Variants in NBAS observed in about 807,000 individuals in gnomAD.
NBAS encodes NAG/BC035112 fusion.
Under a neutral mutation model 302.5 loss-of-function variants are expected in NBAS, and 219 were observed. The observed-to-expected ratio is 0.72, with a 90% CI of 0.65 to 0.81. NBAS has a LOEUF of 0.81. Ranked by LOEUF, NBAS falls within the 30% of genes least tolerant of loss-of-function variation. The probability of loss-of-function intolerance (pLI) is 0.00; values close to 1 mark genes in which losing one functional copy is unlikely to be tolerated. For synonymous variants in NBAS, 1,118 were observed against 1,021.6 expected, an observed-to-expected ratio of 1.09 and a Z score of -1.80; for missense variants, 2,932 against 2,841.6, an observed-to-expected ratio of 1.03 and a Z score of -0.72.
the NBAS span, among the ~76,000 whole-genome samples, chr2:15,151,732 G>A: frequency 6.6e-6 from 1 of 152,172 alleles, no homozygotes; most frequent in East Asian, 1.9e-4. Context: ...ATTTGATTTT[G>A]ATCAGTTTGA....
At chr2:14,856,873 G>A in the NBAS span, among the ~76,000 whole-genome samples, 4 of 152,100 alleles carry the variant, frequency 2.6e-5, no homozygotes, top group African/African-American at 7.2e-5. Flanking sequence ...TGGAAAAAAG[G>A]TATTCAAATT....
intron 11 of NBAS, among the ~76,000 whole-genome samples, chr2:15,499,210 G>A (rs1222787502): frequency 2.0e-5 from 3 of 152,204 alleles, no homozygotes; most frequent in Non-Finnish European, 2.9e-5. Context: ...TTACAGGCGT[G>A]AGCCACTGCG....
intron 32 of NBAS, 129 bp downstream of exon 32, chr2:15,366,451 G>A (rs1372072150): frequency 2.3e-6 from 2 of 875,020 alleles, no homozygotes; most frequent in African/African-American, 1.7e-5. Context: ...CTGAGCAACA[G>A]AGCGAGACCC....
At chr2:15,260,253 C>T (rs895911936) in intron 44 of NBAS, among the ~76,000 whole-genome samples, 1 of 152,118 alleles carries the variant, frequency 6.6e-6, no homozygotes, top group African/African-American at 2.4e-5. Context: ...GGTTCAAGTT[C>T]ACAGCTTTGT....
chr2:14,785,520 T>G, the NBAS span, among the ~76,000 whole-genome samples: 4 of 152,218 alleles, frequency 2.6e-5, no homozygotes, highest in Non-Finnish European at 5.9e-5. Flanking sequence ...TTGAGAGTTT[T>G]TAGCATGAAG....
chr2:15,531,403 C>T (rs1455428501), intron 9 of NBAS, among the ~76,000 whole-genome samples: 1 of 152,052 alleles, frequency 6.6e-6, no homozygotes, highest in Admixed American at 6.6e-5. Flanking sequence ...CACCTGATCT[C>T]GCATGATCTC....
At chr2:15,398,394 G>A (rs1675981106) in intron 26 of NBAS, among the ~76,000 whole-genome samples, 1 of 152,112 alleles carries the variant, frequency 6.6e-6, no homozygotes, top group African/African-American at 2.4e-5. Context: ...GCCTTCCAAA[G>A]TGCTGGGATT....
At chr2:15,260,787 A>C (rs1215135041) in intron 44 of NBAS, among the ~76,000 whole-genome samples, 1 of 149,588 alleles carries the variant, frequency 6.7e-6, no homozygotes, top group Non-Finnish European at 1.5e-5. Context: ...GTAAGAAACA[A>C]TATTATGTAT....
chr2:15,146,864 G>C, the NBAS span, among the ~76,000 whole-genome samples: 1 of 152,114 alleles, frequency 6.6e-6, no homozygotes. Flanking sequence ...AGAAGGTTGT[G>C]TGCCACCTGC....
At chr2:14,851,444 T>C in the NBAS span, among the ~76,000 whole-genome samples, 3 of 151,226 alleles carry the variant, frequency 2.0e-5, no homozygotes, top group Middle Eastern at 3.4e-3. Flanking sequence ...ATCAATAGTT[T>C]ACCAACCAAA....
chr2:15,131,370 A>G, the NBAS span, among the ~76,000 whole-genome samples: 1 of 152,116 alleles, frequency 6.6e-6, no homozygotes. Context: ...CTCTGATGAA[A>G]TGGTTCTTGG....
At chr2:15,459,620 C>G (rs1040137968) in intron 21 of NBAS, among the ~76,000 whole-genome samples, 1 of 151,780 alleles carries the variant, frequency 6.6e-6, no homozygotes, top group Admixed American at 6.6e-5. Context: ...GCTGGGACTA[C>G]AGGCCCCTGC....
intron 33 of NBAS, among the ~76,000 whole-genome samples, chr2:15,353,984 C>T (rs1299569042): frequency 1.3e-5 from 2 of 152,136 alleles, no homozygotes; most frequent in East Asian, 3.8e-4. Context: ...TGCAAATGAT[C>T]TACTGAGATT....
the NBAS span, among the ~76,000 whole-genome samples, chr2:15,147,822 G>C: frequency 6.6e-6 from 1 of 151,456 alleles, no homozygotes; most frequent in East Asian, 1.9e-4. Context: ...GTTCATGACT[G>C]AATTAGGAGT....
intron 9 of NBAS, among the ~76,000 whole-genome samples, chr2:15,518,760 A>C (rs577931987): frequency 6.6e-6 from 1 of 152,190 alleles, no homozygotes; most frequent in Non-Finnish European, 1.5e-5. Context: ...ACAGCTCCAC[A>C]TGGCTGGGGA....
the NBAS span, among the ~76,000 whole-genome samples, chr2:14,816,097 C>T: frequency 1.2e-4 from 19 of 152,298 alleles, no homozygotes; most frequent in African/African-American, 4.1e-4. Flanking sequence ...ATTCTGATCA[C>T]TCTTTGCTTT....
intron 10 of NBAS, among the ~76,000 whole-genome samples, chr2:15,508,679 A>AT (rs1436107106): frequency 7.3e-5 from 11 of 150,856 alleles, no homozygotes; most frequent in African/African-American, 2.4e-4. Context: ...ATAATTTAAA[A>AT]TTTTTTTTTT....
At chr2:15,232,998 AT>A (rs1376559833) in intron 46 of NBAS, among the ~76,000 whole-genome samples, 3 of 152,164 alleles carry the variant, frequency 2.0e-5, no homozygotes, top group African/African-American at 7.2e-5. Flanking sequence ...CATTTTACAG[AT>A]GTTATGTGTA....
intron 21 of NBAS, among the ~76,000 whole-genome samples, chr2:15,453,030 C>T (rs1196701130): frequency 2.6e-5 from 4 of 152,156 alleles, no homozygotes; most frequent in Non-Finnish European, 5.9e-5. Flanking sequence ...AAATTGGTCA[C>T]TAGAAGGGTG....
Sources: gnomAD v4.1 joint callset for allele counts (sites outside exome capture counted in the v4.1 genomes callset) on GRCh38, gnomAD v4.1.1 for gene constraint, MANE v1.5 for transcripts, NCBI Gene and HGNC (gene_info 2026-07-23, HGNC 2026-07-21) for gene names.